Variants in PDE1C observed in about 807,000 individuals in gnomAD.
PDE1C encodes dual specificity calcium/calmodulin-dependent 3',5'-cyclic nucleotide phosphodiesterase 1C.
PDE1C carries 62 observed loss-of-function variants against 93.1 expected under a neutral mutation model. That is an observed-to-expected ratio of 0.67 (90% CI 0.54 to 0.82). PDE1C has a LOEUF of 0.82. PDE1C is among the 40% of genes least tolerant of loss of function. The pLI is 0.00. For synonymous variants in PDE1C, 325 were observed against 310.1 expected (o/e 1.05, Z -0.50); for missense variants, 742 against 884.6 (o/e 0.84, Z 2.04).
At chr7:31,714,070 A>G in the PDE1C span, among the ~76,000 whole-genome samples, 1 of 151,976 alleles carries the variant, frequency 6.6e-6, no homozygotes, top group African/African-American at 2.4e-5. Context: ...AGAAAATAGG[A>G]TTTTCTATTG....
chr7:31,749,570 T>C (rs1395869521), downstream of PDE1C, among the ~76,000 whole-genome samples: 1 of 151,792 alleles, frequency 6.6e-6, no homozygotes, highest in African/African-American at 2.4e-5. Context: ...GGGTGAGAAG[T>C]GGACCATGCT....
chr7:32,385,004 G>A (rs1248460294), intron 1 of PDE1C, among the ~76,000 whole-genome samples: 4 of 152,198 alleles, frequency 2.6e-5, no homozygotes, highest in Non-Finnish European at 4.4e-5. Flanking sequence ...ATACTAGTTG[G>A]ATAAGTGATG....
intron 3 of PDE1C, among the ~76,000 whole-genome samples, chr7:32,094,257 G>T (rs1797628760): frequency 6.6e-6 from 1 of 152,152 alleles, no homozygotes; most frequent in Non-Finnish European, 1.5e-5. Context: ...GTAAGGAAAA[G>T]ATGCTGTCCT....
At chr7:31,910,415 T>C (rs1014505005) in intron 2 of PDE1C, among the ~76,000 whole-genome samples, 1 of 152,180 alleles carries the variant, frequency 6.6e-6, no homozygotes, top group Non-Finnish European at 1.5e-5. Context: ...AATTGAGCTG[T>C]CCCTGTCTCC....
chr7:32,106,456 G>T (rs1409975136), intron 3 of PDE1C, among the ~76,000 whole-genome samples: 1 of 152,154 alleles, frequency 6.6e-6, no homozygotes, highest in African/African-American at 2.4e-5. Context: ...GACAGAGATA[G>T]AGAGAAGTGG....
At chr7:31,802,597 CT>C (rs1473630734) in intron 16 of PDE1C, among the ~76,000 whole-genome samples, 49 of 151,702 alleles carry the variant, frequency 3.2e-4, no homozygotes, top group African/African-American at 9.6e-4. Flanking sequence ...CATGGTGCGT[CT>C]ACTGGTGATG....
At chr7:31,904,850 T>C (rs1275396618) in intron 2 of PDE1C, among the ~76,000 whole-genome samples, 1 of 152,192 alleles carries the variant, frequency 6.6e-6, no homozygotes, top group African/African-American at 2.4e-5. Context: ...AATTTTATCA[T>C]CATAAATTAA....
At chr7:32,349,508 C>T (rs1783918047) in intron 1 of PDE1C, among the ~76,000 whole-genome samples, 1 of 152,202 alleles carries the variant, frequency 6.6e-6, no homozygotes, top group South Asian at 2.1e-4. Context: ...TTAACTTTTG[C>T]ACTCTCTGGA....
chr7:32,353,881 C>A (rs917517259), intron 1 of PDE1C, among the ~76,000 whole-genome samples: 4 of 152,166 alleles, frequency 2.6e-5, no homozygotes, highest in African/African-American at 9.7e-5. Flanking sequence ...AACTGAATAT[C>A]ATGACATCAA....
At chr7:31,635,535 C>T in the PDE1C span, among the ~76,000 whole-genome samples, 3 of 152,146 alleles carry the variant, frequency 2.0e-5, no homozygotes, top group East Asian at 5.8e-4. Flanking sequence ...TTGTGCTTTA[C>T]ACAAGTACAG....
chr7:31,804,841 T>C (rs1033313953), intron 16 of PDE1C, among the ~76,000 whole-genome samples: 7 of 151,770 alleles, frequency 4.6e-5, no homozygotes, highest in Non-Finnish European at 8.8e-5. Flanking sequence ...GGGTAGTAAG[T>C]AGAACCAGTA....
intron 2 of PDE1C, among the ~76,000 whole-genome samples, chr7:31,972,310 G>T (rs184568925): frequency 6.6e-6 from 1 of 152,148 alleles, no homozygotes; most frequent in East Asian, 1.9e-4. Context: ...CATTCCAAAG[G>T]CCGCACCCCA....
chr7:32,114,409 G>T (rs193147474), intron 3 of PDE1C, among the ~76,000 whole-genome samples: 7 of 151,684 alleles, frequency 4.6e-5, no homozygotes, highest in African/African-American at 1.7e-4. Flanking sequence ...TAGGAAAACT[G>T]CCCAGCCATA....
In PDE1C at chr7:31,775,671, C is replaced by G. The variant is rs79948907; in HGVS notation, c.1953G>C (p.Thr651=). ...GCAATGCTGTTTACCCACCTGGCAA[C>G]GTAAGGCGACACGTGGAGCTGGTGC... ...APSTSSTCRL[T]LPVIKPPLRH... Residue 651 remains threonine (T), a synonymous_variant, in exon 17 of 18, where the codon ACG becomes ACC. Transcript: ENST00000396191. The G allele has an allele frequency of 5.7e-3, 9,251 of 1,612,494 alleles. 41 individuals carry two copies. The highest frequency in any genetic ancestry group is 0.015 in the African/African-American group (1,140 of 74,990).
chr7:31,967,186 C>A (rs145301316), intron 2 of PDE1C, among the ~76,000 whole-genome samples: 10 of 151,972 alleles, frequency 6.6e-5, no homozygotes, highest in African/African-American at 9.6e-5. Context: ...TTTTTTGAAA[C>A]GATCAACAAA....
intron 2 of PDE1C, among the ~76,000 whole-genome samples, chr7:31,984,037 C>T (rs936127462): frequency 6.6e-5 from 10 of 151,820 alleles, no homozygotes; most frequent in Non-Finnish European, 1.3e-4. Context: ...GTGTGAGGCA[C>T]GTTCAAAAGA....
chr7:31,733,538 T>A, the PDE1C span, among the ~76,000 whole-genome samples: 82 of 152,314 alleles, frequency 5.4e-4, no homozygotes, highest in Admixed American at 2.1e-3. Context: ...CAGTAAGCAG[T>A]TATCCTGTCA....
At chr7:32,110,491 G>A (rs1330529190) in intron 3 of PDE1C, among the ~76,000 whole-genome samples, 6 of 152,072 alleles carry the variant, frequency 3.9e-5, no homozygotes, top group African/African-American at 1.2e-4. Flanking sequence ...GTGGGGACAC[G>A]GCCAAACCAT....
intron 3 of PDE1C, among the ~76,000 whole-genome samples, chr7:32,130,641 T>C (rs879347054): frequency 5.3e-5 from 8 of 151,976 alleles, no homozygotes; most frequent in Non-Finnish European, 1.0e-4. Flanking sequence ...TCTTACAAAC[T>C]CTTCTTGTCC....
Sources: gnomAD v4.1 joint callset for allele counts (sites outside exome capture counted in the v4.1 genomes callset) on GRCh38, gnomAD v4.1.1 for gene constraint, MANE v1.5 for transcripts, NCBI Gene and HGNC (gene_info 2026-07-23, HGNC 2026-07-21) for gene names.